SCN8A: variants seen among roughly 807,000 people sequenced by gnomAD.
SCN8A encodes the protein sodium channel protein type 8 subunit alpha.
In SCN8A, 30 loss-of-function variants were observed where a neutral mutation model predicts 184.1. The observed-to-expected ratio is 0.16, with a 90% CI of 0.12 to 0.22. The LOEUF (loss-of-function observed/expected upper bound fraction) is 0.22. Among genes scored for constraint, SCN8A ranks in the 10% least tolerant of loss-of-function variants. SCN8A has a pLI of 1.00. For synonymous variants in SCN8A, 852 were observed against 907.0 expected (o/e 0.94, Z 1.09); for missense variants, 1,057 against 2,498.9 (o/e 0.42, Z 12.30).
At chr12:51,741,526 G>A (rs975293106) in intron 12 of SCN8A, among the ~76,000 whole-genome samples, 32 of 151,504 alleles carry the variant, frequency 2.1e-4, no homozygotes, top group Admixed American at 3.9e-4. Flanking sequence ...GTTGTTTTGC[G>A]GTCTTCTTTT....
In SCN8A at chr12:51,806,616, G is replaced by A; in HGVS notation, c.5130G>A (p.Leu1710=). ...QITTSAGWDG[L]LLPILNRPPD... is the part of the protein sequence containing the mutation. Reference sequence around the variant, plus strand: ...CAACCTCAGCTGGTTGGGATGGCCTGCTGCTGCCCATCCTAAACCGCCCCC... The same window carrying A: ...CAACCTCAGCTGGTTGGGATGGCCTACTGCTGCCCATCCTAAACCGCCCCC... Residue 1710 remains leucine (L), a synonymous_variant, in exon 27 of 27, where the codon CTG becomes CTA. Coordinates refer to ENST00000627620, the MANE Select transcript of SCN8A (RefSeq NM_001330260.2). The surrounding 1 kb of genome is among the most constrained non-coding windows in gnomAD (Gnocchi z 8.7). 1 of 1,614,160 alleles carries A rather than the reference G, an allele frequency of 6.2e-7. No individual in the cohort carries two copies. The highest frequency in any genetic ancestry group is 8.5e-7 in the Non-Finnish European group (1 of 1,179,990).
rs754719431 is a variant in SCN8A at position 51,794,956 on chromosome 12, A to G, written c.4795+315A>G. Among the ~76,000 whole-genome samples the G allele has an allele frequency of 2.6e-5, 4 of 152,202 alleles. No individual in the cohort carries two copies. The East Asian group carries it at 7.7e-4, about 29-fold the overall frequency. ...ACAGGGAAGGTAAAAGAAAGTTGTC[A>G]TTAAAAAATGTAGCACAATAGAAGT... On this transcript the variant is annotated intron_variant, in intron 26 of 26. Coordinates refer to ENST00000627620, the MANE Select transcript of SCN8A (RefSeq NM_001330260.2).
chr12:51,771,855 A>G (rs938318521), intron 19 of SCN8A, among the ~76,000 whole-genome samples: 11 of 152,216 alleles, frequency 7.2e-5, no homozygotes, highest in African/African-American at 2.7e-4. Context: ...GTGATTGGAG[A>G]AAGGCGTTTT....
At chr12:51,714,686 A>G (rs1423280381) in intron 11 of SCN8A, among the ~76,000 whole-genome samples, 1 of 152,346 alleles carries the variant, frequency 6.6e-6, no homozygotes, top group Non-Finnish European at 1.5e-5. Context: ...TCACTCCTTC[A>G]TCACATTCCA....
chr12:51,778,541 G>A (rs866064167), intron 20 of SCN8A, among the ~76,000 whole-genome samples: 4 of 152,134 alleles, frequency 2.6e-5, no homozygotes, highest in East Asian at 1.9e-4. Flanking sequence ...CACCCACCTC[G>A]GCCACAACAC....
intron 1 of SCN8A, among the ~76,000 whole-genome samples, chr12:51,628,112 A>G (rs17125925): frequency 0.24 from 36,349 of 152,050 alleles, 5,822 homozygotes; most frequent in African/African-American, 0.44. Context: ...GACCTTTAAG[A>G]CATTGTAGGT....
In SCN8A at chr12:51,804,862, A is replaced by C. The variant is rs148687770; in HGVS notation, c.4796-1420A>C. ...CTCCTGAGAGTCCCTTTAGTTTTCT[A>C]GGCTAGTTTGGTAGACTAGGGAGGT... On this transcript the variant is annotated intron_variant, in intron 26 of 26. Coordinates refer to ENST00000627620, the MANE Select transcript of SCN8A (RefSeq NM_001330260.2). Among the ~76,000 whole-genome samples the C allele has an allele frequency of 3.0e-3, 454 of 152,342 alleles. 3 individuals carry two copies. Among genetic ancestry groups the C allele is most frequent in the African/African-American group, 0.01 (426 of 41,578 alleles).
At chr12:51,719,003 T>C (rs1297066612) in intron 11 of SCN8A, among the ~76,000 whole-genome samples, 1 of 146,306 alleles carries the variant, frequency 6.8e-6, no homozygotes, top group Non-Finnish European at 1.5e-5. Flanking sequence ...ATTATTACAA[T>C]AAATTTTGCT....
chr12:51,684,016 G>A (rs1246776688), intron 2 of SCN8A, 158 bp from the exon 3 acceptor site: 2 of 650,872 alleles, frequency 3.1e-6, no homozygotes, highest in Non-Finnish European at 5.6e-6. Context: ...GGGAGGTGGG[G>A]CAAACATTGT....
chr12:51,687,445 T>C (rs1941437152), intron 5 of SCN8A, among the ~76,000 whole-genome samples: 1 of 152,118 alleles, frequency 6.6e-6, no homozygotes, highest in Non-Finnish European at 1.5e-5. Context: ...AGCAGAGGCT[T>C]TACAGCTGGG....
intron 26 of SCN8A, among the ~76,000 whole-genome samples, chr12:51,800,931 A>T (rs960009526): frequency 6.6e-6 from 1 of 152,220 alleles, no homozygotes; most frequent in Non-Finnish European, 1.5e-5. Flanking sequence ...CCTCCCCTTT[A>T]TTCAAGGGGA....
chr12:51,735,033 G>T (rs1942301759), intron 12 of SCN8A, among the ~76,000 whole-genome samples: 1 of 152,060 alleles, frequency 6.6e-6, no homozygotes, highest in Non-Finnish European at 1.5e-5. Flanking sequence ...CTTTGTAGAT[G>T]GTTTTTATTT....
chr12:51,796,868 C>T (rs936471089), intron 26 of SCN8A, among the ~76,000 whole-genome samples: 11 of 152,138 alleles, frequency 7.2e-5, no homozygotes, highest in African/African-American at 2.2e-4. Context: ...AGATGAAGGC[C>T]AGAAGACTCA....
intron 12 of SCN8A, among the ~76,000 whole-genome samples, chr12:51,739,470 C>T (rs993281023): frequency 1.3e-5 from 2 of 152,148 alleles, no homozygotes; most frequent in African/African-American, 4.8e-5. Flanking sequence ...CCTCTCCTTC[C>T]TTTGCCACTT....
At chr12:51,687,348 G>C in intron 5 of SCN8A, 129 bp downstream of exon 5, 1 of 1,012,546 alleles carries the variant, frequency 9.9e-7, no homozygotes, top group East Asian at 2.6e-5. Flanking sequence ...AACCATGTAA[G>C]GCCCTGTGGG....
At chr12:51,734,389 A>C (rs978924872) in intron 12 of SCN8A, among the ~76,000 whole-genome samples, 1 of 152,236 alleles carries the variant, frequency 6.6e-6, no homozygotes, top group Non-Finnish European at 1.5e-5. Flanking sequence ...ACTTCTATAG[A>C]TATTGAATTA....
At chr12:51,597,170 G>A (rs145545582) in intron 1 of SCN8A, among the ~76,000 whole-genome samples, 67 of 152,298 alleles carry the variant, frequency 4.4e-4, no homozygotes, top group African/African-American at 1.4e-3. Flanking sequence ...TTAGTTTGGT[G>A]CTGAAGCTCT....
chr12:51,672,801 C>T (rs1277622075), intron 2 of SCN8A, among the ~76,000 whole-genome samples: 1 of 152,168 alleles, frequency 6.6e-6, no homozygotes, highest in Non-Finnish European at 1.5e-5. Context: ...TCTTCAGTCC[C>T]TGAGGATTGC....
intron 26 of SCN8A, among the ~76,000 whole-genome samples, chr12:51,797,822 A>G (rs1938451211): frequency 6.6e-6 from 1 of 152,240 alleles, no homozygotes; most frequent in African/African-American, 2.4e-5. Context: ...CAAAGTGGCT[A>G]GGTGGCCATC....
Sources: allele counts gnomAD v4.1 joint callset (sites outside exome capture counted in the v4.1 genomes callset), GRCh38; gene constraint gnomAD v4.1.1; non-coding constraint Gnocchi (gnomAD v3.1); transcripts MANE v1.5; gene names NCBI Gene and HGNC (gene_info 2026-07-23, HGNC 2026-07-21).